The following SLC4A4 variants were observed in gnomAD, a reference collection of about 807,000 sequenced individuals.
SLC4A4 encodes the protein solute carrier family 4 member 4, also known as electrogenic sodium bicarbonate cotransporter 1.
Under a neutral mutation model 111.5 loss-of-function variants are expected in SLC4A4, and 27 were observed. The ratio of observed to expected loss-of-function variants is 0.24; its 90% CI spans 0.18 to 0.33. SLC4A4 has a LOEUF of 0.33. Among genes scored for constraint, SLC4A4 ranks in the 10% least tolerant of loss-of-function variants. SLC4A4 has a pLI of 1.00. For missense variants in SLC4A4, 909 were observed against 1,315.5 expected (o/e 0.69, Z 4.78); for synonymous variants, 443 against 463.4 (o/e 0.96, Z 0.57).
chr4:71,155,903 C>A (rs1353323654), intron 2 of SLC4A4, among the ~76,000 whole-genome samples: 2 of 152,146 alleles, frequency 1.3e-5, no homozygotes, highest in African/African-American at 4.8e-5. Flanking sequence ...GATATGACAG[C>A]TATTGCAAAT....
chr4:71,145,440 A>G (rs1417904197), intron 2 of SLC4A4, among the ~76,000 whole-genome samples: 2 of 152,194 alleles, frequency 1.3e-5, no homozygotes, highest in African/African-American at 4.8e-5. Context: ...AGGCTTTGGT[A>G]TCAGGATGAT....
chr4:71,565,210 C>G (rs867380301), intron 24 of SLC4A4, among the ~76,000 whole-genome samples: 8 of 151,918 alleles, frequency 5.3e-5, no homozygotes, highest in Middle Eastern at 3.4e-3. Flanking sequence ...TGGCCCACGC[C>G]CCATGGAGAG....
chr4:71,232,678 T>C (rs1719516015), intron 1 of SLC4A4, among the ~76,000 whole-genome samples: 1 of 152,200 alleles, frequency 6.6e-6, no homozygotes, highest in African/African-American at 2.4e-5. Flanking sequence ...TCCCAAAGCA[T>C]TGAGATTACA....
At chr4:71,216,411 A>G (rs184791032) in intron 1 of SLC4A4, among the ~76,000 whole-genome samples, 2 of 152,234 alleles carry the variant, frequency 1.3e-5, no homozygotes, top group Admixed American at 1.3e-4. Flanking sequence ...ACAGGTCTGT[A>G]TTTCCCAGGG....
chr4:71,244,677 C>G (rs1377284), intron 2 of SLC4A4, among the ~76,000 whole-genome samples: 139,249 of 152,170 alleles, frequency 0.92, 64,483 homozygotes, highest in Non-Finnish European at 0.99. Context: ...AACACTTTCA[C>G]ACTAAAGCTA....
intron 16 of SLC4A4, among the ~76,000 whole-genome samples, chr4:71,521,335 G>A (rs1042384876): frequency 1.3e-5 from 2 of 152,052 alleles, no homozygotes; most frequent in Admixed American, 6.6e-5. Context: ...GGGATCAAGC[G>A]ATCCTCTCTC....
At chr4:71,203,659 A>C (rs4694093) in intron 1 of SLC4A4, among the ~76,000 whole-genome samples, 1 of 152,042 alleles carries the variant, frequency 6.6e-6, no homozygotes. Flanking sequence ...TAAATGAATA[A>C]ATGCAAACCA....
Position 71,350,080 on chromosome 4 carries a change from T to C in SLC4A4, c.550+8T>C. ...CTCTCCCACAGTTGGTGGGTAAGTA[T>C]GCTGTTTGAATTTTATCCTATTTTT... On this transcript the variant is annotated splice_region_variant and intron_variant, in intron 5 of 25. Transcript: ENST00000264485. 2 of 1,614,022 alleles carry C rather than the reference T, an allele frequency of 1.2e-6. No homozygotes were observed. The highest frequency in any genetic ancestry group is 1.7e-6 in the Non-Finnish European group (2 of 1,179,978).
intron 16 of SLC4A4, among the ~76,000 whole-genome samples, chr4:71,528,714 A>G (rs1404452043): frequency 1.3e-5 from 2 of 152,100 alleles, no homozygotes; most frequent in African/African-American, 2.4e-5. Context: ...GTAGAGTATT[A>G]GAAAAATAGA....
intron 1 of SLC4A4, among the ~76,000 whole-genome samples, chr4:71,084,267 C>T (rs1742082811): frequency 1.3e-5 from 2 of 151,948 alleles, no homozygotes; most frequent in Admixed American, 1.3e-4. Context: ...ATAATAATAA[C>T]TTGAATTATT....
chr4:71,405,495 A>G (rs543395741), intron 7 of SLC4A4, among the ~76,000 whole-genome samples: 2 of 152,218 alleles, frequency 1.3e-5, no homozygotes, highest in East Asian at 3.9e-4. Flanking sequence ...ATGACTAGAT[A>G]TTTTCAGTTC....
intron 1 of SLC4A4, among the ~76,000 whole-genome samples, chr4:71,067,867 C>A (rs1741564068): frequency 6.6e-6 from 1 of 151,876 alleles, no homozygotes; most frequent in African/African-American, 2.4e-5. Flanking sequence ...TCCACTTCAG[C>A]CTCCTGAGTA....
chr4:71,294,450 C>T (rs28573724), intron 3 of SLC4A4, among the ~76,000 whole-genome samples: 26 of 152,290 alleles, frequency 1.7e-4, no homozygotes, highest in African/African-American at 6.0e-4. Flanking sequence ...AGGGGAAGAA[C>T]GTATGTCTAC....
intron 2 of SLC4A4, among the ~76,000 whole-genome samples, chr4:71,130,405 T>C (rs1446929817): frequency 2.0e-5 from 3 of 152,146 alleles, no homozygotes; most frequent in Admixed American, 6.5e-5. Flanking sequence ...ATTAATTTTG[T>C]TTTTTAAATT....
At chr4:71,466,415 A>T in intron 12 of SLC4A4, 29 bp from the exon 13 acceptor site, 1 of 1,612,890 alleles carries the variant, frequency 6.2e-7, no homozygotes, top group Non-Finnish European at 8.5e-7. Flanking sequence ...GATGTGTTTC[A>T]TTTAACATCT....
At position 71,269,032 on chromosome 4, in the gene SLC4A4, T is replaced by C. The variant is rs2579324; in HGVS notation, c.253+13633T>C. On this transcript the variant is annotated intron_variant, in intron 3 of 25. Coordinates refer to ENST00000264485, the MANE Select transcript of SLC4A4 (RefSeq NM_001098484.3). ...GTTCCCACAGGCTAAACAATTTGCCTGGGGTCACACATGCTGTGTTGGGAG... is the reference window on the plus strand; with the variant it reads ...GTTCCCACAGGCTAAACAATTTGCCCGGGGTCACACATGCTGTGTTGGGAG... 6.4e-3 allele frequency among the ~76,000 whole-genome samples: 971 copies of C among 152,332 alleles called. 13 individuals carry two copies. Among genetic ancestry groups the C allele is most frequent in the African/African-American group, 0.022 (919 of 41,580 alleles).
chr4:71,378,514 C>G (rs1219055599), intron 6 of SLC4A4, among the ~76,000 whole-genome samples: 1 of 152,148 alleles, frequency 6.6e-6, no homozygotes, highest in East Asian at 1.9e-4. Context: ...AACTGATAGA[C>G]AGTCTTTCAT....
At chr4:71,239,277 GT>G (rs1256251815) in intron 2 of SLC4A4, among the ~76,000 whole-genome samples, 1 of 152,100 alleles carries the variant, frequency 6.6e-6, no homozygotes, top group Non-Finnish European at 1.5e-5. Flanking sequence ...ATAAAACTTT[GT>G]TTTTTACAGT....
At chr4:71,402,007 G>C (rs1720407495) in intron 7 of SLC4A4, among the ~76,000 whole-genome samples, 1 of 152,112 alleles carries the variant, frequency 6.6e-6, no homozygotes, top group Admixed American at 6.6e-5. Flanking sequence ...GTGGAGTTTT[G>C]CCTAAGGTTA....
Sources: gnomAD v4.1 joint callset for allele counts (sites outside exome capture counted in the v4.1 genomes callset) on GRCh38, gnomAD v4.1.1 for gene constraint, MANE v1.5 for transcripts, NCBI Gene and HGNC (gene_info 2026-07-23, HGNC 2026-07-21) for gene names.